Variants in WWP2 observed in about 807,000 individuals in gnomAD.
WWP2 encodes NEDD4-like E3 ubiquitin-protein ligase WWP2.
A neutral mutation model predicts 121.0 loss-of-function variants in WWP2; 57 were observed. The ratio of observed to expected loss-of-function variants is 0.47; its 90% CI spans 0.38 to 0.59. The LOEUF (loss-of-function observed/expected upper bound fraction) is 0.59. WWP2 is among the 20% of genes least tolerant of loss of function. WWP2 has a pLI of 0.00. For synonymous variants in WWP2, 449 were observed against 441.3 expected (o/e 1.02, Z -0.22); for missense variants, 962 against 1,158.9 (o/e 0.83, Z 2.47).
At chr16:69,929,830 C>A (rs892729489) in intron 12 of WWP2, among the ~76,000 whole-genome samples, 1 of 152,180 alleles carries the variant, frequency 6.6e-6, no homozygotes, top group Non-Finnish European at 1.5e-5. Context: ...TTGAGGGCAT[C>A]CTGGTCTCCC....
chr16:69,903,831 C>G (rs1207714928), intron 8 of WWP2, among the ~76,000 whole-genome samples: 1 of 151,182 alleles, frequency 6.6e-6, no homozygotes, highest in Admixed American at 6.6e-5. Context: ...CCAATTGCTA[C>G]AACAGATATT....
rs1301979857 is a variant in WWP2 at position 69,842,936 on chromosome 16, T to C, written c.575+816T>C. 2.6e-5 allele frequency among the ~76,000 whole-genome samples: 4 copies of C among 152,296 alleles called. 1 individual carries two copies. The highest frequency in any genetic ancestry group is 6.5e-5 in the Admixed American group (1 of 15,300). ...CTCCTGTCCTGGCCTCCCAAACTGT[T>C]GGGATTACAGCCATAAGCCACTGTA... On this transcript the variant is annotated intron_variant, in intron 6 of 23. Coordinates refer to ENST00000359154, the MANE Select transcript of WWP2 (RefSeq NM_001270454.2).
In WWP2 at chr16:69,939,960, G is replaced by A. The variant is rs368189035; in HGVS notation, c.*20G>A. ...GAGTAACCGAGGCCGCCCCTCCCAC[G>A]CCCCCCAGCGCACATGTAGTCCTGA... On this transcript the variant is annotated 3_prime_UTR_variant, in exon 24 of 24. Transcript: ENST00000359154. 8.8e-6 allele frequency: 14 copies of A among 1,596,976 alleles called. No homozygotes were observed. In the African/African-American group the frequency reaches 9.4e-5, roughly 11 times the overall value.
rs536917405 is a variant in WWP2, at chr16:69,898,956, G to A, written c.915-9805G>A. ...TGACCTCAGGTGATCCACCTGCCTC[G>A]GCCTCCCAAAGTGCTGGGATTACAG... On this transcript the variant is annotated intron_variant, in intron 8 of 23. Transcript: ENST00000359154. Among the ~76,000 whole-genome samples, 7 of 151,926 alleles carry A rather than the reference G, an allele frequency of 4.6e-5. No homozygotes were observed. In the South Asian group the frequency reaches 8.3e-4, roughly 18 times the overall value.
chr16:69,826,082 C>T (rs2056682329), intron 4 of WWP2, among the ~76,000 whole-genome samples: 1 of 150,444 alleles, frequency 6.6e-6, no homozygotes, highest in South Asian at 2.1e-4. Flanking sequence ...GCCTGGCCAA[C>T]ATCATGAAAC....
At chr16:69,917,214 A>G (rs2058490962) in intron 9 of WWP2, among the ~76,000 whole-genome samples, 1 of 152,258 alleles carries the variant, frequency 6.6e-6, no homozygotes, top group South Asian at 2.1e-4. Context: ...TGGGCTACTC[A>G]ACAATATCAC....
Position 69,940,319 on chromosome 16 carries a change from G to A in WWP2, c.*379G>A, listed in dbSNP as rs372011074. The A allele has an allele frequency of 5.4e-5, 11 of 202,906 alleles. No individual in the cohort carries two copies. Among genetic ancestry groups the A allele is most frequent in the Middle Eastern group, 2.1e-3 (1 of 482 alleles). The allele number at this position is 202,906 out of a possible 1,614,324, so 12.6% of individuals were successfully genotyped here. On this transcript the variant is annotated 3_prime_UTR_variant, in exon 24 of 24. Coordinates refer to ENST00000359154, the MANE Select transcript of WWP2 (RefSeq NM_001270454.2). ...CGGAGACCTCCTGGACTAGTTCGGC[G>A]AGGAGACTGGCCACTGGGGGTGGCT...
Position 69,925,281 on chromosome 16 carries a change from C to G in WWP2, c.1180-149C>G. ...AAAAAACAGAGACTTTTGAGAGGAG[C>G]AGATGCCACCTAAAGTCCCACTGCA... On this transcript the variant is annotated intron_variant, in intron 10 of 23. Coordinates refer to ENST00000359154, the MANE Select transcript of WWP2 (RefSeq NM_001270454.2). This position sits in a 1 kb window ranked among gnomAD's most constrained non-coding sequence, Gnocchi z 4.0. The G allele has an allele frequency of 1.4e-6, 2 of 1,469,744 alleles. No individual in the cohort carries two copies. The highest frequency in any genetic ancestry group is 1.8e-6 in the Non-Finnish European group (2 of 1,108,530). The allele number at this position is 1,469,744 out of a possible 1,614,324, so 91.0% of individuals were successfully genotyped here.
intron 9 of WWP2, chr16:69,910,505 G>A (rs1021586382): frequency 6.0e-6 from 2 of 332,376 alleles, no homozygotes; most frequent in African/African-American, 2.3e-5. Flanking sequence ...CACCTCCTGG[G>A]TTCAAGCGAT....
rs75498986 is a variant in WWP2 at position 69,917,033 on chromosome 16, A to G, written c.1005-676A>G. On this transcript the variant is annotated intron_variant, in intron 9 of 23. Transcript: ENST00000359154. The stretch of plus-strand genomic sequence containing the variant: ...ATAAACAGTGAGACTCTGTCTCAAA[A>G]CAAAACAAAACCAAAGACCATGCAA... 4.6e-3 allele frequency among the ~76,000 whole-genome samples: 708 copies of G among 152,334 alleles called. 17 individuals carry two copies. In the East Asian group the frequency reaches 0.082, roughly 18 times the overall value.
chr16:69,865,698 A>G (rs1028540142), intron 6 of WWP2, among the ~76,000 whole-genome samples: 5 of 152,208 alleles, frequency 3.3e-5, no homozygotes, highest in African/African-American at 1.2e-4. Flanking sequence ...TGTGTCATAA[A>G]CTAACACGTT....
intron 6 of WWP2, among the ~76,000 whole-genome samples, chr16:69,863,581 T>C (rs763271343): frequency 2.6e-5 from 4 of 152,068 alleles, no homozygotes; most frequent in Non-Finnish European, 5.9e-5. Context: ...GCAGAGGTTG[T>C]AGTGAGCCGA....
At position 69,935,469 on chromosome 16, in the gene WWP2, C is replaced by T. The variant is rs1225729210; in HGVS notation, c.1843-384C>T. 2.0e-5 allele frequency among the ~76,000 whole-genome samples: 3 copies of T among 152,232 alleles called. No homozygotes were observed. Among genetic ancestry groups the T allele is most frequent in the African/African-American group, 7.2e-5 (3 of 41,460 alleles). ...GGCTGCCTTTGCCACCCACCCTGAG[C>T]GCCAGTGAATCAGGGCTGCCACCTG... On this transcript the variant is annotated intron_variant, in intron 17 of 23. Transcript: ENST00000359154. This position sits in a 1 kb window ranked among gnomAD's most constrained non-coding sequence, Gnocchi z 5.2.
intron 8 of WWP2, among the ~76,000 whole-genome samples, chr16:69,908,350 A>C (rs755856225): frequency 2.1e-4 from 32 of 152,242 alleles, no homozygotes; most frequent in Admixed American, 3.9e-4. Flanking sequence ...TATGAAACCC[A>C]GAAATTGCAA....
intron 1 of WWP2, chr16:69,786,238 G>A (rs1447467468): frequency 1.3e-5 from 2 of 150,020 alleles, no homozygotes; most frequent in Non-Finnish European, 3.0e-5. Context: ...TCCACCTCCC[G>A]GGTTCAAGCA....
In WWP2 at chr16:69,931,805, A is replaced by G. The variant is rs748174440; in HGVS notation, c.1597A>G (p.Met533Val). 1.9e-6 allele frequency: 3 copies of G among 1,613,530 alleles called. No individual in the cohort carries two copies. Among genetic ancestry groups the G allele is most frequent in the African/African-American group, 1.3e-5 (1 of 74,888 alleles). The change falls in exon 16 of 24, where the codon ATG becomes GTG. Residue 533 changes from methionine to valine, a missense_variant. Met to Val is a conservative substitution (Grantham distance 21, BLOSUM62 1). Coordinates refer to ENST00000359154, the MANE Select transcript of WWP2 (RefSeq NM_001270454.2). Reference sequence around the variant, plus strand: ...GCCCGATGCTCTGTCTTCCCAGATCATGAACATGAAACCCTATGACCTGCG... The same window carrying G: ...GCCCGATGCTCTGTCTTCCCAGATCGTGAACATGAAACCCTATGACCTGCG... Reference protein sequence around the residue: ...TLFEDSFQQIMNMKPYDLRRR... With the variant: ...TLFEDSFQQIVNMKPYDLRRR...
intron 4 of WWP2, among the ~76,000 whole-genome samples, chr16:69,827,589 A>G (rs2056724924): frequency 6.6e-6 from 1 of 152,178 alleles, no homozygotes; most frequent in African/African-American, 2.4e-5. Flanking sequence ...TTCTAAGAGG[A>G]CTCCTACATT....
intron 4 of WWP2, among the ~76,000 whole-genome samples, chr16:69,814,818 C>G (rs7193221): frequency 0.46 from 70,516 of 151,782 alleles, 17,367 homozygotes; most frequent in African/African-American, 0.62. Flanking sequence ...GACAGTGTAC[C>G]CATTTATTTT....
chr16:69,825,413 G>T (rs62051385), intron 4 of WWP2, among the ~76,000 whole-genome samples: 1 of 143,428 alleles, frequency 7.0e-6, no homozygotes, highest in Middle Eastern at 3.6e-3. Flanking sequence ...AACAGAGCGA[G>T]ATTCCATCTC....
Sources: allele counts gnomAD v4.1 joint callset (sites outside exome capture counted in the v4.1 genomes callset), GRCh38; gene constraint gnomAD v4.1.1; non-coding constraint Gnocchi (gnomAD v3.1); transcripts MANE v1.5; gene names NCBI Gene and HGNC (gene_info 2026-07-23, HGNC 2026-07-21).